The following ATE1 variants were observed in gnomAD, a reference collection of about 807,000 sequenced individuals.
The protein encoded by ATE1 is arginyltransferase 1.
Under a neutral mutation model 70.5 loss-of-function variants are expected in ATE1, and 36 were observed. That is an observed-to-expected ratio of 0.51 (90% CI 0.39 to 0.67). ATE1 has a LOEUF of 0.67. ATE1 is among the 30% of genes least tolerant of loss of function. The pLI is 0.00. For missense variants in ATE1, 593 were observed against 629.5 expected (o/e 0.94, Z 0.62); for synonymous variants, 232 against 219.3 (o/e 1.06, Z -0.51).
At chr10:121,752,021 G>A (rs1374003017) in intron 11 of ATE1, among the ~76,000 whole-genome samples, 14 of 151,182 alleles carry the variant, frequency 9.3e-5, no homozygotes, top group African/African-American at 3.4e-4. Flanking sequence ...GTGAAACCCC[G>A]TCTCTACTAA....
In ATE1 at chr10:121,819,895, C is replaced by T. The variant is rs188772515; in HGVS notation, c.1257+16823G>A. On this transcript the variant is annotated intron_variant, in intron 10 of 11. Transcript: ENST00000224652. ...GCGTGGTGGCTCATGCCTGTAATCC[C>T]AGCACTTTGGGAGGCCAAGGTGGGC... is the stretch of plus-strand genomic sequence containing the variant. Among the ~76,000 whole-genome samples the T allele has an allele frequency of 1.9e-3, 289 of 152,052 alleles. 1 individual carries two copies. The highest frequency in any genetic ancestry group is 3.2e-3 in the Non-Finnish European group (217 of 67,996).
intron 10 of ATE1, among the ~76,000 whole-genome samples, chr10:121,811,629 A>G (rs538526858): frequency 6.2e-4 from 95 of 152,326 alleles, no homozygotes; most frequent in Non-Finnish European, 1.2e-3. Context: ...CCATGCTCGG[A>G]AAACAAGTAA....
intron 5 of ATE1, among the ~76,000 whole-genome samples, chr10:121,903,447 G>A (rs1375874046): frequency 1.3e-5 from 2 of 152,048 alleles, no homozygotes; most frequent in Admixed American, 6.6e-5. Context: ...AGCACTTTGG[G>A]GGGCTAAGGC....
intron 11 of ATE1, among the ~76,000 whole-genome samples, chr10:121,759,456 G>C (rs1225416235): frequency 6.6e-6 from 1 of 152,220 alleles, no homozygotes; most frequent in Non-Finnish European, 1.5e-5. Context: ...GGGCATGGTG[G>C]CTGACGCCTG....
At chr10:121,759,023 C>A (rs931954830) in intron 11 of ATE1, among the ~76,000 whole-genome samples, 1 of 152,236 alleles carries the variant, frequency 6.6e-6, no homozygotes, top group East Asian at 1.9e-4. Flanking sequence ...CCCTAAAAGG[C>A]CTCTAAGTGT....
chr10:121,884,641 C>T (rs115629807), intron 7 of ATE1, among the ~76,000 whole-genome samples: 556 of 152,086 alleles, frequency 3.7e-3, no homozygotes, highest in Admixed American at 6.4e-3. Context: ...AGAGAAGAAA[C>T]GGAAGGAAAG....
intron 10 of ATE1, among the ~76,000 whole-genome samples, chr10:121,794,003 A>T (rs1428273565): frequency 6.6e-6 from 1 of 152,230 alleles, no homozygotes; most frequent in Admixed American, 6.5e-5. Context: ...AGGTATACAA[A>T]AAGAATCCAA....
Position 121,868,851 on chromosome 10 carries a change from C to T in ATE1, c.975+1155G>A, listed in dbSNP as rs184899118. Among the ~76,000 whole-genome samples, 68 of 152,264 alleles carry T rather than the reference C, an allele frequency of 4.5e-4. 1 individual carries two copies. Among genetic ancestry groups the T allele is most frequent in the South Asian group, 2.5e-3 (12 of 4,824 alleles). ...GTGACCACTCAGGCTGGCTACCACA[C>T]GTTTTCAATGCGCCAGTGTAGGCCA... On this transcript the variant is annotated intron_variant, in intron 8 of 11. Transcript: ENST00000224652.
intron 10 of ATE1, among the ~76,000 whole-genome samples, chr10:121,803,304 A>G (rs547095642): frequency 6.6e-6 from 1 of 152,358 alleles, no homozygotes; most frequent in Non-Finnish European, 1.5e-5. Context: ...GAACCACAGA[A>G]TCTTAAAATT....
chr10:121,751,161 T>C (rs754623637), intron 11 of ATE1, among the ~76,000 whole-genome samples: 3 of 152,252 alleles, frequency 2.0e-5, no homozygotes, highest in Non-Finnish European at 4.4e-5. Context: ...ATGTTCATAT[T>C]CTATAAAGTA....
At chr10:121,817,326 G>T (rs556945940) in intron 10 of ATE1, among the ~76,000 whole-genome samples, 4 of 152,162 alleles carry the variant, frequency 2.6e-5, no homozygotes, top group Non-Finnish European at 4.4e-5. Context: ...GGATCACAAG[G>T]TCAGGAGATC....
chr10:121,784,783 C>T lies in ATE1; in HGVS notation c.1378+5386G>A, dbSNP rs545382661. ...CTGAGGCAGGAGTATTGCTGGAATC[C>T]GGGAGGTAGAGGCTACAGTGAGCTG... On this transcript the variant is annotated intron_variant, in intron 11 of 11. Coordinates refer to ENST00000224652, the MANE Select transcript of ATE1 (RefSeq NM_001001976.3). Among the ~76,000 whole-genome samples, 25 of 152,120 alleles carry T rather than the reference C, an allele frequency of 1.6e-4. No homozygotes were observed. The South Asian group carries it at 1.7e-3, about 10-fold the overall frequency.
At chr10:121,760,570 T>G (rs1358370972) in intron 11 of ATE1, among the ~76,000 whole-genome samples, 1 of 152,188 alleles carries the variant, frequency 6.6e-6, no homozygotes, top group Non-Finnish European at 1.5e-5. Context: ...TGCAATCTCA[T>G]GATAAAACTT....
At chr10:121,923,718 C>G (rs1951971908) in intron 2 of ATE1, among the ~76,000 whole-genome samples, 1 of 152,190 alleles carries the variant, frequency 6.6e-6, no homozygotes, top group Non-Finnish European at 1.5e-5. Context: ...CTACTCAAAA[C>G]AGGCCATGTG....
At chr10:121,850,241 C>A (rs939512063) in intron 8 of ATE1, among the ~76,000 whole-genome samples, 1 of 152,252 alleles carries the variant, frequency 6.6e-6, no homozygotes, top group East Asian at 1.9e-4. Context: ...CAAGAATGAA[C>A]CTGTTTTTTA....
chr10:121,762,527 CCT>C (rs1416427607), intron 11 of ATE1, among the ~76,000 whole-genome samples: 2 of 152,200 alleles, frequency 1.3e-5, no homozygotes, highest in Non-Finnish European at 2.9e-5. Flanking sequence ...CACCCCCACC[CCT>C]GTGTCTGTGT....
intron 10 of ATE1, among the ~76,000 whole-genome samples, chr10:121,808,367 A>G (rs955019355): frequency 2.0e-5 from 3 of 152,224 alleles, no homozygotes; most frequent in Non-Finnish European, 4.4e-5. Flanking sequence ...TGAAGTAGAC[A>G]GCAACAGCAG....
chr10:121,877,288 A>G (rs1950085226), intron 7 of ATE1, among the ~76,000 whole-genome samples: 1 of 152,202 alleles, frequency 6.6e-6, no homozygotes, highest in Non-Finnish European at 1.5e-5. Context: ...TATGTTTAAG[A>G]GAAAAAAACA....
intron 8 of ATE1, among the ~76,000 whole-genome samples, chr10:121,857,478 A>G (rs1253549978): frequency 1.3e-5 from 2 of 152,156 alleles, no homozygotes; most frequent in Non-Finnish European, 2.9e-5. Context: ...CATGGTGTAT[A>G]TGTACTACAT....
Sources: allele counts gnomAD v4.1 joint callset (sites outside exome capture counted in the v4.1 genomes callset), GRCh38; gene constraint gnomAD v4.1.1; transcripts MANE v1.5; gene names NCBI Gene and HGNC (gene_info 2026-07-23, HGNC 2026-07-21).